Variants in ANO6 observed in about 807,000 individuals in gnomAD.
The protein encoded by ANO6 is anoctamin-6.
In ANO6, 106 loss-of-function variants were observed where a neutral mutation model predicts 117.5. The observed-to-expected ratio is 0.90, with a 90% CI of 0.77 to 1.06. The LOEUF (loss-of-function observed/expected upper bound fraction) is 1.06, where lower values mean the gene tolerates loss of function less well. ANO6 is among the 50% of genes least tolerant of loss of function. ANO6 has a pLI of 0.00. For synonymous variants in ANO6, 367 were observed against 385.1 expected, an observed-to-expected ratio of 0.95 and a Z score of 0.55; for missense variants, 955 against 1,121.1, an observed-to-expected ratio of 0.85 and a Z score of 2.12.
chr12:45,356,446 T>C (rs1452136053), intron 7 of ANO6, among the ~76,000 whole-genome samples: 1 of 152,224 alleles, frequency 6.6e-6, no homozygotes, highest in East Asian at 1.9e-4. Flanking sequence ...TTTAAACTTT[T>C]AATGGTCTGC....
At chr12:45,241,469 T>C (rs1032353199) in intron 1 of ANO6, among the ~76,000 whole-genome samples, 3 of 152,224 alleles carry the variant, frequency 2.0e-5, no homozygotes, top group African/African-American at 4.8e-5. Context: ...TTTTCAAGGT[T>C]TTTAGTTTCC....
intron 3 of ANO6, among the ~76,000 whole-genome samples, chr12:45,332,514 G>A (rs972302672): frequency 1.6e-4 from 24 of 151,988 alleles, no homozygotes; most frequent in Non-Finnish European, 3.2e-4. Flanking sequence ...TTTGCATGGT[G>A]GAATAGAATG....
chr12:45,361,650 C>T (rs1243135150), intron 8 of ANO6, among the ~76,000 whole-genome samples: 4 of 152,050 alleles, frequency 2.6e-5, no homozygotes, highest in South Asian at 4.1e-4. Flanking sequence ...TACTCTTTAT[C>T]AGGTTGGGAA....
intron 8 of ANO6, among the ~76,000 whole-genome samples, chr12:45,361,689 T>A (rs1471894507): frequency 6.6e-6 from 1 of 152,162 alleles, no homozygotes; most frequent in Non-Finnish European, 1.5e-5. Flanking sequence ...TGAGTGTTTT[T>A]AATCATGGAA....
At position 45,216,193 on chromosome 12, in the gene ANO6, C is replaced by T; in HGVS notation, c.-129C>T. ...GGCTTTCCCCGGCGCTGGCTGGGCT[C>T]AGCGGCCCCTGAGCCCAAGCGACAC... is the stretch of plus-strand genomic sequence containing the variant. On this transcript the variant is annotated 5_prime_UTR_variant, in exon 1 of 20. Transcript: ENST00000320560. 9.1e-7 allele frequency: 1 copy of T among 1,095,788 alleles called. No individual in the cohort carries two copies. The highest frequency in any genetic ancestry group is 1.3e-6 in the Non-Finnish European group (1 of 745,866). 67.9% of individuals were successfully genotyped at this position (1,095,788 alleles called of 1,614,324 possible).
rs113802421 is a variant in ANO6 at position 45,243,845 on chromosome 12, CA to C, written c.70+27455del. On this transcript the variant is annotated intron_variant, in intron 1 of 19. Coordinates refer to ENST00000320560, the MANE Select transcript of ANO6 (RefSeq NM_001025356.3). ...GATTACAGGCATGAGCCACTGTGCC[CA>C]GCCTGAATAAATTTTTAGTGTAGTT... is the stretch of plus-strand genomic sequence containing the variant. Among the ~76,000 whole-genome samples the C allele has an allele frequency of 4.5e-4, 68 of 152,290 alleles. 1 individual carries two copies. Among genetic ancestry groups the C allele is most frequent in the African/African-American group, 1.6e-3 (68 of 41,578 alleles).
chr12:45,368,920 T>C (rs1235434301), intron 9 of ANO6, among the ~76,000 whole-genome samples: 1 of 152,204 alleles, frequency 6.6e-6, no homozygotes, highest in African/African-American at 2.4e-5. Flanking sequence ...TTTTACAGCG[T>C]AAAATACTGG....
chr12:45,412,432 C>T (rs181256901), intron 16 of ANO6, among the ~76,000 whole-genome samples: 2 of 152,318 alleles, frequency 1.3e-5, no homozygotes, highest in East Asian at 3.9e-4. Context: ...AAAACAATGA[C>T]CTTCATATAT....
At chr12:45,219,502 A>G (rs1033662678) in intron 1 of ANO6, among the ~76,000 whole-genome samples, 1 of 130,336 alleles carries the variant, frequency 7.7e-6, no homozygotes, top group African/African-American at 2.8e-5. Flanking sequence ...ATGCCTGGCC[A>G]ATTTTTTTTT....
At chr12:45,371,463 C>T (rs1208936748) in intron 9 of ANO6, among the ~76,000 whole-genome samples, 1 of 152,068 alleles carries the variant, frequency 6.6e-6, no homozygotes, top group Non-Finnish European at 1.5e-5. Context: ...ATGTCCCTGT[C>T]TGACAGCTTT....
At chr12:45,258,964 A>G (rs1467372386) in intron 1 of ANO6, among the ~76,000 whole-genome samples, 1 of 152,170 alleles carries the variant, frequency 6.6e-6, no homozygotes, top group Non-Finnish European at 1.5e-5. Context: ...ATCTTCAGAA[A>G]ATGGTGGGAC....
chr12:45,315,658 T>C (rs1211773060), intron 2 of ANO6, among the ~76,000 whole-genome samples: 1 of 152,032 alleles, frequency 6.6e-6, no homozygotes, highest in Non-Finnish European at 1.5e-5. Flanking sequence ...TTTATCCTTT[T>C]CTTAAATCTT....
At chr12:45,418,993 A>C (rs1386122484) in intron 17 of ANO6, among the ~76,000 whole-genome samples, 1 of 152,234 alleles carries the variant, frequency 6.6e-6, no homozygotes, top group Non-Finnish European at 1.5e-5. Flanking sequence ...TCAAACACCC[A>C]GTGTGTATCT....
chr12:45,256,273 C>T (rs1013790621), intron 1 of ANO6, among the ~76,000 whole-genome samples: 1 of 152,086 alleles, frequency 6.6e-6, no homozygotes, highest in Admixed American at 6.6e-5. Flanking sequence ...TTGTTCCTGG[C>T]CTCATCAAAC....
At chr12:45,391,617 C>G (rs2137586622) in intron 12 of ANO6, among the ~76,000 whole-genome samples, 1 of 152,154 alleles carries the variant, frequency 6.6e-6, no homozygotes, top group Non-Finnish European at 1.5e-5. Context: ...CCTGTAATCC[C>G]AGCACTTTGG....
chr12:45,275,196 C>A (rs1459871302), intron 1 of ANO6, among the ~76,000 whole-genome samples: 1 of 151,930 alleles, frequency 6.6e-6, no homozygotes, highest in Non-Finnish European at 1.5e-5. Context: ...GTTTCTCTGT[C>A]TCCTTTTATT....
chr12:45,391,437 A>G (rs1942447342), intron 12 of ANO6, among the ~76,000 whole-genome samples: 1 of 152,230 alleles, frequency 6.6e-6, no homozygotes, highest in Non-Finnish European at 1.5e-5. Flanking sequence ...GTCAGAAAAG[A>G]GGCATTATAA....
chr12:45,377,941 C>A, intron 9 of ANO6, 112 bp from the exon 10 acceptor site: 2 of 946,824 alleles, frequency 2.1e-6, no homozygotes, highest in African/African-American at 1.6e-5. Flanking sequence ...TTAAACTAGG[C>A]ATCACCTTTG....
chr12:45,365,959 C>CTGAGGG (rs1249131719), intron 8 of ANO6, among the ~76,000 whole-genome samples: 2 of 152,124 alleles, frequency 1.3e-5, no homozygotes, highest in Non-Finnish European at 2.9e-5. Context: ...TTTCCAAGAT[C>CTGAGGG]TTTACTCAGC....
Sources: gnomAD v4.1 joint callset for allele counts (sites outside exome capture counted in the v4.1 genomes callset) on GRCh38, gnomAD v4.1.1 for gene constraint, MANE v1.5 for transcripts, NCBI Gene and HGNC (gene_info 2026-07-23, HGNC 2026-07-21) for gene names.